The following ZMYM2 variants were observed in gnomAD, a reference collection of about 807,000 sequenced individuals.
ZMYM2 encodes the protein zinc finger MYM-type containing 2.
ZMYM2 carries 56 observed loss-of-function variants against 162.8 expected under a neutral mutation model. The observed-to-expected ratio is 0.34, with a 90% CI of 0.28 to 0.43. The LOEUF is 0.43. Among genes scored for constraint, ZMYM2 ranks in the 20% least tolerant of loss-of-function variants. ZMYM2 has a pLI of 1.00. For missense variants in ZMYM2, 1,275 were observed against 1,621.8 expected (o/e 0.79, Z 3.67); for synonymous variants, 510 against 541.6 (o/e 0.94, Z 0.81).
chr13:19,973,710 A>C (rs1478029435), intron 2 of ZMYM2, among the ~76,000 whole-genome samples: 1 of 151,764 alleles, frequency 6.6e-6, no homozygotes, highest in Non-Finnish European at 1.5e-5. Context: ...CAAAACAAAA[A>C]ACAGAAAAAA....
At chr13:20,006,712 T>G in intron 6 of ZMYM2, 126 bp downstream of exon 6, 1 of 994,894 alleles carries the variant, frequency 1.0e-6, no homozygotes, top group South Asian at 1.6e-5. Context: ...CCATTATTGT[T>G]GTCATATCAT....
the ZMYM2 span, among the ~76,000 whole-genome samples, chr13:19,901,036 T>C: frequency 7.9e-5 from 12 of 152,076 alleles, no homozygotes; most frequent in African/African-American, 2.7e-4. Flanking sequence ...CAAAATGTCT[T>C]CATGTAGCCT....
chr13:19,990,880 T>G (rs895349338), intron 2 of ZMYM2, among the ~76,000 whole-genome samples: 7 of 152,190 alleles, frequency 4.6e-5, no homozygotes, highest in African/African-American at 1.7e-4. Flanking sequence ...TAGTCTATAC[T>G]TGCCCTTCAG....
the ZMYM2 span, among the ~76,000 whole-genome samples, chr13:19,867,532 A>C: frequency 1.0e-3 from 157 of 152,288 alleles, 1 homozygote; most frequent in East Asian, 0.028. Flanking sequence ...TAAATAATGA[A>C]AATTTATTAG....
chr13:19,928,342 A>T, the ZMYM2 span, among the ~76,000 whole-genome samples: 1 of 152,158 alleles, frequency 6.6e-6, no homozygotes, highest in East Asian at 1.9e-4. Flanking sequence ...TTTAAAATGC[A>T]TTCCTGTGTC....
At chr13:19,878,520 T>C in the ZMYM2 span, among the ~76,000 whole-genome samples, 921 of 14,710 alleles carry the variant, frequency 0.063, 13 homozygotes, top group African/African-American at 0.075. Flanking sequence ...CTTTGCCCTT[T>C]TTTTTTTTTT....
At chr13:20,064,338 A>AT (rs1171440779) in intron 18 of ZMYM2, 113 bp from the exon 19 acceptor site, 4 of 785,758 alleles carry the variant, frequency 5.1e-6, no homozygotes, top group African/African-American at 1.8e-5. Flanking sequence ...CCCAGCCTAG[A>AT]TTGTCCCCAT....
the ZMYM2 span, among the ~76,000 whole-genome samples, chr13:19,931,769 G>A: frequency 1.3e-5 from 2 of 152,140 alleles, no homozygotes; most frequent in African/African-American, 4.8e-5. Context: ...GACTAGAGGC[G>A]CACGCCAAAA....
the ZMYM2 span, among the ~76,000 whole-genome samples, chr13:19,912,634 C>T: frequency 6.6e-6 from 1 of 151,904 alleles, no homozygotes; most frequent in Admixed American, 6.6e-5. Context: ...GAGCCTGGCC[C>T]ATCACAGGAA....
At chr13:20,071,058 C>G (rs1957053325) in intron 21 of ZMYM2, 1 of 152,812 alleles carries the variant, frequency 6.5e-6, no homozygotes, top group Non-Finnish European at 1.5e-5. Flanking sequence ...AGTTCTAGAT[C>G]TCTGGTCCCA....
the ZMYM2 span, among the ~76,000 whole-genome samples, chr13:19,938,380 G>A: frequency 5.3e-5 from 8 of 152,020 alleles, no homozygotes; most frequent in East Asian, 1.9e-4. Flanking sequence ...GTGATGGTGC[G>A]CACCTAACAC....
intron 9 of ZMYM2, chr13:20,028,199 A>G (rs1952758553): frequency 6.3e-6 from 1 of 159,338 alleles, no homozygotes; most frequent in African/African-American, 2.4e-5. Flanking sequence ...TAATAGTAAT[A>G]TTCTCACTGA....
the ZMYM2 span, among the ~76,000 whole-genome samples, chr13:19,912,013 A>G: frequency 6.6e-6 from 1 of 152,230 alleles, no homozygotes; most frequent in Non-Finnish European, 1.5e-5. Context: ...ATCTTGGAGA[A>G]TGACCATGGG....
chr13:20,049,151 G>A (rs967265073), intron 12 of ZMYM2, among the ~76,000 whole-genome samples: 1 of 146,744 alleles, frequency 6.8e-6, no homozygotes, highest in African/African-American at 2.5e-5. Context: ...ATTAAAGTTG[G>A]AATTATTAGT....
intron 2 of ZMYM2, among the ~76,000 whole-genome samples, chr13:19,982,419 C>A (rs1478551163): frequency 6.6e-6 from 1 of 150,668 alleles, no homozygotes; most frequent in African/African-American, 2.4e-5. Flanking sequence ...TCCTGAGTAG[C>A]CGAGATTACA....
At chr13:19,945,951 G>GA in the ZMYM2 span, among the ~76,000 whole-genome samples, 13,307 of 89,132 alleles carry the variant, frequency 0.15, 1,083 homozygotes, top group African/African-American at 0.21. Flanking sequence ...CTCCGTCTCA[G>GA]AAAAAAAAAA....
intron 5 of ZMYM2, 124 bp from the exon 6 acceptor site, chr13:20,006,250 T>A (rs139267000): frequency 6.1e-4 from 12 of 19,740 alleles, no homozygotes; most frequent in Non-Finnish European, 1.3e-3. Flanking sequence ...AAAAAAAAAT[T>A]TTTTTTTTCC....
the ZMYM2 span, among the ~76,000 whole-genome samples, chr13:19,891,769 C>A: frequency 6.6e-6 from 1 of 151,664 alleles, no homozygotes; most frequent in Non-Finnish European, 1.5e-5. Context: ...AGCTCAAGAT[C>A]CTCCCTCTAA....
chr13:20,052,780 G>A (rs1030987853), intron 14 of ZMYM2, among the ~76,000 whole-genome samples: 1 of 152,220 alleles, frequency 6.6e-6, no homozygotes, highest in Non-Finnish European at 1.5e-5. Context: ...CTAAGCACGT[G>A]TATTTGGCAG....
Sources: allele counts gnomAD v4.1 joint callset (sites outside exome capture counted in the v4.1 genomes callset), GRCh38; gene constraint gnomAD v4.1.1; transcripts MANE v1.5; gene names NCBI Gene and HGNC (gene_info 2026-07-23, HGNC 2026-07-21).